Variants in TRRAP observed in about 807,000 individuals in gnomAD.
TRRAP encodes transformation/transcription domain-associated protein.
In TRRAP, 41 loss-of-function variants were observed where a neutral mutation model predicts 438.8. The observed-to-expected ratio is 0.09, with a 90% CI of 0.07 to 0.12. TRRAP has a LOEUF of 0.12. TRRAP is among the 10% of genes least tolerant of loss of function. The probability of loss-of-function intolerance (pLI) is 1.00; values close to 1 mark genes in which losing one functional copy is unlikely to be tolerated. For synonymous variants in TRRAP, 1,994 were observed against 1,962.9 expected, an observed-to-expected ratio of 1.02 and a Z score of -0.42; for missense variants, 3,122 against 5,055.1, an observed-to-expected ratio of 0.62 and a Z score of 11.60.
chr7:98,904,888 C>G (rs1195069914), intron 12 of TRRAP, among the ~76,000 whole-genome samples: 1 of 152,208 alleles, frequency 6.6e-6, no homozygotes, highest in African/African-American at 2.4e-5. Flanking sequence ...ACGTCCACTT[C>G]CACCAACATT....
chr7:98,967,168 T>C lies in TRRAP; in HGVS notation c.7298+6T>C, dbSNP rs1357523719. 6.2e-7 allele frequency: 1 copy of C among 1,612,224 alleles called. No homozygotes were observed. Among genetic ancestry groups the C allele is most frequent in the East Asian group, 2.2e-5 (1 of 44,886 alleles). Reference sequence around the variant, plus strand: ...CTTGTTAACTATGTCTACAGGTAATTACAGCAATTAATCAAGTACTACATA... The same window carrying C: ...CTTGTTAACTATGTCTACAGGTAATCACAGCAATTAATCAAGTACTACATA... On this transcript the variant is annotated splice_donor_region_variant and intron_variant, in intron 50 of 72. Transcript: ENST00000456197.
chr7:98,910,524 C>G lies in TRRAP; in HGVS notation c.1729C>G (p.Pro577Ala), dbSNP rs367978853. 1 of 1,614,014 alleles carries G rather than the reference C, an allele frequency of 6.2e-7. No homozygotes were observed. The highest frequency in any genetic ancestry group is 8.5e-7 in the Non-Finnish European group (1 of 1,180,000). Residue 577 changes from proline to alanine, a missense_variant, in exon 16 of 73, where the codon CCC becomes GCC. Transcript: ENST00000456197. ...CKAPGEAQFI[P>A]NKQLQPKETQ... ...CTCTTTTCCAGAAGCTCAGTTCATT[C>G]CCAACAAGCAGTTACAACCCAAAGA...
chr7:99,007,505 C>A (rs937228415), intron 69 of TRRAP, among the ~76,000 whole-genome samples: 4 of 149,236 alleles, frequency 2.7e-5, no homozygotes, highest in Admixed American at 2.0e-4. Flanking sequence ...CGCACCACCA[C>A]GCCTGGCTAA....
In TRRAP at chr7:98,983,281, C is replaced by T. The variant is rs769678821; in HGVS notation, c.8844C>T (p.Ile2948=). ...CCCATCAGGCAGCCCAGCAAATCAT[C>T]GAACTCCAGGAAGCTGCACAAATCA... ...TPLLQAAQQI[I]ELQEAAQINA... The change falls in exon 60 of 73, where the codon ATC becomes ATT. Residue 2948 remains isoleucine (I), a synonymous_variant. Transcript: ENST00000456197. The T allele has an allele frequency of 5.6e-6, 9 of 1,612,894 alleles. No individual in the cohort carries two copies. The highest frequency in any genetic ancestry group is 1.6e-4 in the Middle Eastern group (1 of 6,062).
Position 98,949,520 on chromosome 7 carries a change from T to C in TRRAP, c.4892T>C (p.Val1631Ala), listed in dbSNP as rs782700113. The C allele has an allele frequency of 1.2e-6, 2 of 1,608,102 alleles. No homozygotes were observed. Among genetic ancestry groups the C allele is most frequent in the African/African-American group, 1.3e-5 (1 of 74,486 alleles). ...CTGCCGGGGGGTGCCCAGACGGCTGTGCGCCCCGGTTCGCCCAGCACCAGC... is the reference window on the plus strand; with the variant it reads ...CTGCCGGGGGGTGCCCAGACGGCTGCGCGCCCCGGTTCGCCCAGCACCAGC... ...LLLPGGAQTA[V>A]RPGSPSTSTM... Residue 1631 changes from valine to alanine, a missense_variant, in exon 36 of 73, where the codon GTG becomes GCG. Physicochemically the swap from Val to Ala is moderately conservative, Grantham distance 64. This residue lies in a region of TRRAP where 272 missense variants were observed against 348.5 expected (regional missense o/e 0.78). Transcript: ENST00000456197.
At position 98,930,104 on chromosome 7, in the gene TRRAP, T is replaced by C; in HGVS notation, c.3291T>C (p.Ala1097=). The C allele has an allele frequency of 6.2e-7, 1 of 1,614,200 alleles. No homozygotes were observed. The highest frequency in any genetic ancestry group is 8.5e-7 in the Non-Finnish European group (1 of 1,180,034). ...CTTTGGTTCTCATTGATGCAATTGC[T>C]ATTTGTATGGCATATGAAGAAAAGG... ...MDPLVLIDAI[A]ICMAYEEKEL... The change falls in exon 24 of 73, where the codon GCT becomes GCC. Residue 1097 remains alanine, a synonymous_variant. Coordinates refer to ENST00000456197, the MANE Select transcript of TRRAP (RefSeq NM_001375524.1).
At chr7:98,977,168 T>G in intron 56 of TRRAP, 92 bp downstream of exon 56, 2 of 1,553,376 alleles carry the variant, frequency 1.3e-6, no homozygotes, top group African/African-American at 1.4e-5. Context: ...GGAGTTCACG[T>G]TCTCTTTTTT....
At chr7:98,885,019 A>AGGTTT (rs1795632310) in intron 3 of TRRAP, among the ~76,000 whole-genome samples, 1 of 152,160 alleles carries the variant, frequency 6.6e-6, no homozygotes, top group African/African-American at 2.4e-5. Flanking sequence ...TGACATAACA[A>AGGTTT]GGTTTGAGGG....
At chr7:98,917,831 T>G in intron 20 of TRRAP, 152 bp downstream of exon 20, 1 of 1,189,356 alleles carries the variant, frequency 8.4e-7, no homozygotes, top group Non-Finnish European at 1.1e-6. Context: ...GATTGAAATA[T>G]GTAAAGAAGG....
rs754162816 is a variant in TRRAP at position 98,976,895 on chromosome 7, A to G, written c.8248-44A>G. On this transcript the variant is annotated intron_variant, in intron 55 of 72. Transcript: ENST00000456197. This position sits in a 1 kb window ranked among gnomAD's most constrained non-coding sequence, Gnocchi z 4.6. ...GAAACTATTTTTAGGGGGGAAAAAAAGTCTCTGTCTCAAGCACTCAGGAAC... is the reference window on the plus strand; with the variant it reads ...GAAACTATTTTTAGGGGGGAAAAAAGGTCTCTGTCTCAAGCACTCAGGAAC... The G allele has an allele frequency of 1.2e-6, 2 of 1,607,066 alleles. No individual in the cohort carries two copies. The highest frequency in any genetic ancestry group is 1.7e-6 in the Non-Finnish European group (2 of 1,175,686).
chr7:98,953,856 T>C (rs1215159529), intron 40 of TRRAP, among the ~76,000 whole-genome samples: 1 of 152,180 alleles, frequency 6.6e-6, no homozygotes, highest in Non-Finnish European at 1.5e-5. Context: ...CACCCCACAC[T>C]GTGAGCCCTC....
At chr7:98,945,603 T>C (rs886664768) in intron 31 of TRRAP, 144 bp from the exon 32 acceptor site, 8 of 891,968 alleles carry the variant, frequency 9.0e-6, no homozygotes, top group Non-Finnish European at 1.3e-5. Context: ...CTGTTGAGCA[T>C]TTGTTAATTA....
chr7:98,982,073 G>C (rs903557457), intron 59 of TRRAP, 113 bp downstream of exon 59: 2 of 1,120,164 alleles, frequency 1.8e-6, no homozygotes, highest in Admixed American at 4.0e-5. Context: ...AACTCCTTCT[G>C]CTTGTCTTGT....
Position 98,948,780 on chromosome 7 carries a change from T to C in TRRAP, c.4788+95T>C, listed in dbSNP as rs1791198418. 13 of 1,570,194 alleles carry C rather than the reference T, an allele frequency of 8.3e-6. 1 individual carries two copies. The South Asian group carries it at 1.5e-4, about 18-fold the overall frequency. ...TCAGTTCATATTTCACTATTCAGTGTCCTGGCTGCTTTTTTTTCAGATCCA... is the reference window on the plus strand; with the variant it reads ...TCAGTTCATATTTCACTATTCAGTGCCCTGGCTGCTTTTTTTTCAGATCCA... On this transcript the variant is annotated intron_variant, in intron 35 of 72. Transcript: ENST00000456197. This position sits in a 1 kb window ranked among gnomAD's most constrained non-coding sequence, Gnocchi z 4.9.
chr7:98,976,519 GGCA>G lies in TRRAP; in HGVS notation c.7998_8000del (p.Ser2667del). ...TGAGATAAGTCCATTTCTGTGCAGC[GGCA>G]GTCACCAGGTGCAGCGGGACTGCCA... On this transcript the variant is annotated inframe_deletion, in exon 55 of 73. Coordinates refer to ENST00000456197, the MANE Select transcript of TRRAP (RefSeq NM_001375524.1). The surrounding 1 kb of genome is among the most constrained non-coding windows in gnomAD (Gnocchi z 4.6). 1 of 1,612,768 alleles carries G rather than the reference GGCA, an allele frequency of 6.2e-7. No homozygotes were observed. The highest frequency in any genetic ancestry group is 8.5e-7 in the Non-Finnish European group (1 of 1,180,018).
chr7:98,880,604 A>C (rs1554402902), intron 1 of TRRAP, among the ~76,000 whole-genome samples: 1 of 152,048 alleles, frequency 6.6e-6, no homozygotes, highest in Admixed American at 6.6e-5. Flanking sequence ...GAATGGTTTT[A>C]TATTTTTAAA....
intron 28 of TRRAP, among the ~76,000 whole-genome samples, chr7:98,936,604 G>A (rs918635351): frequency 1.5e-4 from 23 of 152,184 alleles, no homozygotes; most frequent in Non-Finnish European, 3.2e-4. Context: ...GTGTGTGTCT[G>A]TCCCCTGCAT....
intron 53 of TRRAP, among the ~76,000 whole-genome samples, chr7:98,974,197 C>T (rs1259995717): frequency 1.3e-5 from 2 of 152,032 alleles, no homozygotes. Context: ...AGGGTGGTGT[C>T]GTGTTATTTC....
intron 67 of TRRAP, among the ~76,000 whole-genome samples, chr7:99,001,297 G>A (rs2075100121): frequency 6.6e-6 from 1 of 152,192 alleles, no homozygotes; most frequent in African/African-American, 2.4e-5. Context: ...GGGCAAGCCC[G>A]GTCCTCCCCG....
Sources: gnomAD v4.1 joint callset for allele counts (sites outside exome capture counted in the v4.1 genomes callset) on GRCh38, gnomAD v4.1.1 for gene constraint, gnomAD v4.1.1 regional missense constraint, Gnocchi (gnomAD v3.1) non-coding constraint, MANE v1.5 for transcripts, NCBI Gene and HGNC (gene_info 2026-07-23, HGNC 2026-07-21) for gene names.